Variants in KCNC1 observed in about 807,000 individuals in gnomAD.
KCNC1 encodes the protein voltage-gated potassium channel KCNC1.
Under a neutral mutation model 43.4 loss-of-function variants are expected in KCNC1, and 8 were observed. That is an observed-to-expected ratio of 0.18 (90% confidence interval 0.11 to 0.33). KCNC1 has a LOEUF of 0.33. Among genes scored for constraint, KCNC1 ranks in the 10% least tolerant of loss-of-function variants. KCNC1 has a pLI of 1.00. For missense variants in KCNC1, 420 were observed against 836.0 expected (o/e 0.50, Z 6.14); for synonymous variants, 361 against 360.5 (o/e 1.00, Z -0.01).
chr11:17,735,884 C>T lies in KCNC1; in HGVS notation c.-119C>T, dbSNP rs1431846529. ...GGCCAGAGCCGCAGGCCTCTGTTCC[C>T]CCCGACGGCTGGGGGGAGGGGGGAA... On this transcript the variant is annotated 5_prime_UTR_variant, in exon 1 of 4. Coordinates refer to ENST00000265969, the MANE Select transcript of KCNC1 (RefSeq NM_001112741.2). The surrounding 1 kb of genome is among the most constrained non-coding windows in gnomAD (Gnocchi z 6.7). The T allele has an allele frequency of 5.8e-6, 7 of 1,203,928 alleles. No homozygotes were observed. Among genetic ancestry groups the T allele is most frequent in the Non-Finnish European group, 6.5e-6 (6 of 916,202 alleles). 74.6% of individuals were successfully genotyped at this position (1,203,928 alleles called of 1,614,324 possible). A position where few individuals can be genotyped will look rare whatever the true frequency, so the allele number is the denominator to read the frequency against.
intron 1 of KCNC1, among the ~76,000 whole-genome samples, chr11:17,763,306 G>A (rs1478419694): frequency 1.3e-5 from 2 of 151,854 alleles, no homozygotes; most frequent in Non-Finnish European, 2.9e-5. Context: ...CCAAGTCCAG[G>A]ACAGTCCCAG....
rs1849299119 is a variant in KCNC1, at chr11:17,777,434, C to G, written c.1505-2022C>G. The stretch of plus-strand genomic sequence containing the variant: ...TGCAGGGTGCTATGGGCCTCAACCC[C>G]CACATCGTCATCCGCGTCCTCTCCA... On this transcript the variant is annotated intron_variant, in intron 2 of 3. Coordinates refer to ENST00000265969, the MANE Select transcript of KCNC1 (RefSeq NM_001112741.2). This position sits in a 1 kb window ranked among gnomAD's most constrained non-coding sequence, Gnocchi z 4.3. The G allele has an allele frequency of 5.1e-6, 5 of 985,934 alleles. No homozygotes were observed. Among genetic ancestry groups the G allele is most frequent in the Non-Finnish European group, 6.0e-6 (5 of 829,986 alleles). The allele number at this position is 985,934 out of a possible 1,614,324, so 61.1% of individuals were successfully genotyped here.
intron 3 of KCNC1, chr11:17,780,675 C>T (rs866655664): frequency 6.6e-6 from 1 of 152,328 alleles, no homozygotes; most frequent in Non-Finnish European, 1.5e-5. Flanking sequence ...TCATTCACAA[C>T]TGCTCCAGTA....
rs1849261696 is a variant in KCNC1, at chr11:17,774,252, G to A, written c.1504+1654G>A. The stretch of plus-strand genomic sequence containing the variant: ...ACTTGATTTCAGGAGCTACCAACAG[G>A]GCTCTGGGCCTCTAGGAGGAACGCG... On this transcript the variant is annotated intron_variant, in intron 2 of 3. Transcript: ENST00000265969. 3.0e-6 allele frequency: 3 copies of A among 985,482 alleles called. No homozygotes were observed. The South Asian group carries it at 1.4e-4, about 46-fold the overall frequency. The allele number at this position is 985,482 out of a possible 1,614,324, so 61.0% of individuals were successfully genotyped here. A position where few individuals can be genotyped will look rare whatever the true frequency, so the allele number is the denominator to read the frequency against.
intron 1 of KCNC1, among the ~76,000 whole-genome samples, chr11:17,769,953 ACT>A (rs1425527372): frequency 6.6e-6 from 1 of 152,024 alleles, no homozygotes. Flanking sequence ...GGCTACTCTC[ACT>A]CTGTCATTCT....
At chr11:17,761,418 C>T (rs1172257284) in intron 1 of KCNC1, among the ~76,000 whole-genome samples, 1 of 152,240 alleles carries the variant, frequency 6.6e-6, no homozygotes, top group Non-Finnish European at 1.5e-5. Flanking sequence ...TCCCGGAATG[C>T]CAGTGTGCAA....
In KCNC1 at chr11:17,779,489, C is replaced by T. The variant is rs1485166517; in HGVS notation, c.1538C>T (p.Ala513Val). Residue 513 changes from alanine to valine, a missense_variant, in exon 3 of 4, where the codon GCG becomes GTG. Coordinates refer to ENST00000265969, the MANE Select transcript of KCNC1 (RefSeq NM_001112741.2). This position sits in a 1 kb window ranked among gnomAD's most constrained non-coding sequence, Gnocchi z 7.2. ...CTGAATGGGGAGGTGGCGAAGGCCG[C>T]GCTGGCGAACGAAGACTGCCCCCAC... is the stretch of plus-strand genomic sequence containing the variant. ...SKLNGEVAKA[A>V]LANEDCPHID... is the part of the protein sequence containing the mutation. The T allele has an allele frequency of 5.8e-6, 9 of 1,550,066 alleles. No homozygotes were observed. Among genetic ancestry groups the T allele is most frequent in the Non-Finnish European group, 7.0e-6 (8 of 1,146,458 alleles).
chr11:17,745,866 C>T (rs1260317173), intron 1 of KCNC1, among the ~76,000 whole-genome samples: 1 of 152,186 alleles, frequency 6.6e-6, no homozygotes, highest in African/African-American at 2.4e-5. Context: ...GTGCTTTGCT[C>T]TTTTCTCCTT....
chr11:17,752,306 GCA>G (rs1848977677), intron 1 of KCNC1, among the ~76,000 whole-genome samples: 1 of 152,166 alleles, frequency 6.6e-6, no homozygotes, highest in Non-Finnish European at 1.5e-5. Flanking sequence ...GCACCAAGCT[GCA>G]CCCCCCACAC....
At chr11:17,752,897 T>C (rs950892070) in intron 1 of KCNC1, among the ~76,000 whole-genome samples, 13 of 152,232 alleles carry the variant, frequency 8.5e-5, no homozygotes, top group Non-Finnish European at 1.9e-4. Flanking sequence ...ACCTACTGTG[T>C]GCCCAGTTCT....
At chr11:17,757,793 T>A (rs1419965719) in intron 1 of KCNC1, among the ~76,000 whole-genome samples, 2 of 152,266 alleles carry the variant, frequency 1.3e-5, no homozygotes, top group African/African-American at 2.4e-5. Context: ...TCTTAATTTT[T>A]AAATACGTTA....
At position 17,777,613 on chromosome 11, in the gene KCNC1, G is replaced by A. The variant is rs893899125; in HGVS notation, c.1505-1843G>A. The A allele has an allele frequency of 3.9e-5, 38 of 985,694 alleles. No homozygotes were observed. Among genetic ancestry groups the A allele is most frequent in the South Asian group, 9.4e-5 (2 of 21,276 alleles). 61.1% of individuals were successfully genotyped at this position (985,694 alleles called of 1,614,324 possible). ...TGCCCCAAGACCCCAGAGACGCCCC[G>A]GCCCCAGTCACATGGTGTCAGAGTT... On this transcript the variant is annotated intron_variant, in intron 2 of 3. Transcript: ENST00000265969. The surrounding 1 kb of genome is among the most constrained non-coding windows in gnomAD (Gnocchi z 4.3).
chr11:17,775,481 G>C, intron 2 of KCNC1: 1 of 985,570 alleles, frequency 1.0e-6, no homozygotes, highest in East Asian at 1.1e-4. Context: ...ATTCTCACCT[G>C]GTTGTAGGAC....
At chr11:17,757,857 G>A (rs2133793145) in intron 1 of KCNC1, among the ~76,000 whole-genome samples, 1 of 152,240 alleles carries the variant, frequency 6.6e-6, no homozygotes, top group South Asian at 2.1e-4. Flanking sequence ...TAATCTTTTT[G>A]CTGATAGAGG....
rs1448318566 is a variant in KCNC1 at position 17,773,757 on chromosome 11, C to T, written c.1504+1159C>T. 1 of 985,520 alleles carries T rather than the reference C, an allele frequency of 1.0e-6. No homozygotes were observed. Among genetic ancestry groups the T allele is most frequent in the Admixed American group, 6.1e-5 (1 of 16,292 alleles). 61.0% of individuals were successfully genotyped at this position (985,520 alleles called of 1,614,324 possible). On this transcript the variant is annotated intron_variant, in intron 2 of 3. Coordinates refer to ENST00000265969, the MANE Select transcript of KCNC1 (RefSeq NM_001112741.2). The surrounding 1 kb of genome is among the most constrained non-coding windows in gnomAD (Gnocchi z 4.1). ...ACCCATGGAATACCATCGACTTATTCTGTGGACACAGGGATTTCAAAGGAA... is the reference window on the plus strand; with the variant it reads ...ACCCATGGAATACCATCGACTTATTTTGTGGACACAGGGATTTCAAAGGAA...
rs1848756119 is a variant in KCNC1 at position 17,735,711 on chromosome 11, CCCTCCCTTCTTT to C, written c.-286_-275del. The C allele has an allele frequency of 2.1e-5, 3 of 143,056 alleles. No homozygotes were observed. The highest frequency in any genetic ancestry group is 1.4e-4 in the Admixed American group (2 of 13,918). The allele number at this position is 143,056 out of a possible 1,614,324, so 8.9% of individuals were successfully genotyped here. ...TCCCTCCCTTTCTCCCTCCCTTTCT[CCCTCCCTTCTTT>C]CCTCCTCTGCCTCCTCCGCTGCCGG... On this transcript the variant is annotated 5_prime_UTR_variant, in exon 1 of 4. Coordinates refer to ENST00000265969, the MANE Select transcript of KCNC1 (RefSeq NM_001112741.2). This position sits in a 1 kb window ranked among gnomAD's most constrained non-coding sequence, Gnocchi z 6.7.
At chr11:17,747,188 G>C (rs1214633555) in intron 1 of KCNC1, among the ~76,000 whole-genome samples, 2 of 152,140 alleles carry the variant, frequency 1.3e-5, no homozygotes, top group Non-Finnish European at 2.9e-5. Flanking sequence ...GCGTCACCCT[G>C]GGAGGCAGGC....
In KCNC1 at chr11:17,772,291, G is replaced by A. The variant is rs574378895; in HGVS notation, c.1197G>A (p.Thr399=). 3.6e-5 allele frequency: 58 copies of A among 1,613,998 alleles called. 2 individuals carry two copies. The South Asian group carries it at 4.2e-4, about 12-fold the overall frequency. ...IGFWWAVVTM[T]TLGYGDMYPQ... ...TCTGGTGGGCCGTGGTCACCATGAC[G>A]ACCCTGGGCTATGGAGACATGTACC... The change falls in exon 2 of 4, where the codon ACG becomes ACA. Residue 399 remains threonine, a synonymous_variant. Transcript: ENST00000265969.
intron 1 of KCNC1, among the ~76,000 whole-genome samples, chr11:17,753,511 A>G (rs1467578312): frequency 6.6e-6 from 1 of 152,206 alleles, no homozygotes; most frequent in Non-Finnish European, 1.5e-5. Flanking sequence ...TCTGCCAGGG[A>G]AGGGACTTGG....
Sources: gnomAD v4.1 joint callset for allele counts (sites outside exome capture counted in the v4.1 genomes callset) on GRCh38, gnomAD v4.1.1 for gene constraint, Gnocchi (gnomAD v3.1) non-coding constraint, MANE v1.5 for transcripts, NCBI Gene and HGNC (gene_info 2026-07-23, HGNC 2026-07-21) for gene names.